The following SBF2 variants were observed in gnomAD, a reference collection of about 807,000 sequenced individuals.
The protein encoded by SBF2 is myotubularin-related protein 13.
SBF2 carries 112 observed loss-of-function variants against 225.2 expected under a neutral mutation model. The observed-to-expected ratio is 0.50, with a 90% CI of 0.43 to 0.58. The LOEUF is 0.58. Ranked by LOEUF, SBF2 falls within the 20% of genes least tolerant of loss-of-function variation. The pLI, the probability that SBF2 is intolerant of heterozygous loss-of-function variation, is 0.00. For missense variants in SBF2, 1,996 were observed against 2,206.2 expected (o/e 0.90, Z 1.91); for synonymous variants, 763 against 773.3 (o/e 0.99, Z 0.22).
At chr11:10,063,856 C>CAGAGAGAG (rs1487944368) in intron 2 of SBF2, among the ~76,000 whole-genome samples, 1 of 125,610 alleles carries the variant, frequency 8.0e-6, no homozygotes, top group African/African-American at 3.0e-5. Flanking sequence ...CACACACACA[C>CAGAGAGAG]ACAGAGAGAG....
At chr11:10,027,294 A>G (rs533730765) in intron 6 of SBF2, among the ~76,000 whole-genome samples, 14 of 152,304 alleles carry the variant, frequency 9.2e-5, no homozygotes, top group African/African-American at 3.4e-4. Context: ...TTTGAAATTG[A>G]TATCACCACT....
intron 17 of SBF2, among the ~76,000 whole-genome samples, chr11:9,881,172 T>C (rs556248223): frequency 1.4e-4 from 22 of 152,294 alleles, no homozygotes; most frequent in African/African-American, 1.4e-4. Context: ...AATAGGATGA[T>C]AGATAAAATA....
chr11:10,112,653 AT>A (rs1264191008), intron 2 of SBF2, among the ~76,000 whole-genome samples: 1 of 152,234 alleles, frequency 6.6e-6, no homozygotes, highest in Admixed American at 6.5e-5. Context: ...GGAAAATAAA[AT>A]TTGTAAGGCT....
intron 28 of SBF2, chr11:9,828,213 T>C: frequency 4.7e-6 from 6 of 1,289,514 alleles, no homozygotes; most frequent in Non-Finnish European, 6.1e-6. Flanking sequence ...GAAGTCCTCC[T>C]TTCAGTCCCT....
At chr11:10,017,224 T>C (rs1431264804) in intron 6 of SBF2, among the ~76,000 whole-genome samples, 1 of 152,236 alleles carries the variant, frequency 6.6e-6, no homozygotes, top group Admixed American at 6.5e-5. Flanking sequence ...TCCAGACTCC[T>C]GCATTCTCTG....
chr11:10,303,068 A>C lies in SBF2; in HGVS notation n.386+1424T>G, dbSNP rs1378174779. 1 of 152,376 alleles carries C rather than the reference A, an allele frequency of 6.6e-6. No individual in the cohort carries two copies. Among genetic ancestry groups the C allele is most frequent in the Non-Finnish European group, 1.5e-5 (1 of 68,108 alleles). The allele number at this position is 152,376 out of a possible 1,614,324, so 9.4% of individuals were successfully genotyped here. A position where few individuals can be genotyped will look rare whatever the true frequency, so the allele number is the denominator to read the frequency against. On this transcript the variant is annotated intron_variant and non_coding_transcript_variant, in intron 1 of 5. Coordinates refer to the SBF2 transcript ENST00000685217. The surrounding 1 kb of genome is among the most constrained non-coding windows in gnomAD (Gnocchi z 5.2). ...GCGAAGAGCTTGACTCGCAGAGGATAAAGTGAAAGGAAAAGGAAATGGGAG... is the reference window on the plus strand; with the variant it reads ...GCGAAGAGCTTGACTCGCAGAGGATCAAGTGAAAGGAAAAGGAAATGGGAG...
At position 10,254,900 on chromosome 11, in the gene SBF2, CAAAAAAAAAAAAAAAAAA is replaced by C. The variant is rs71034757; in HGVS notation, c.55+39097_55+39114del. ...TGGGTGACAGAGTGAGACTCTGTCTCAAAAAAAAAAAAAAAAAAAAAAAAAAAAAAAAAAAAAAATCCT... is the reference window on the plus strand; with the variant it reads ...TGGGTGACAGAGTGAGACTCTGTCTCAAAAAAAAAAAAAAAAAAAAATCCT... On this transcript the variant is annotated intron_variant, in intron 1 of 39. Coordinates refer to ENST00000256190, the MANE Select transcript of SBF2 (RefSeq NM_030962.4). Among the ~76,000 whole-genome samples the C allele has an allele frequency of 1.6e-3, 71 of 44,072 alleles. 2 individuals are homozygous for C. Among genetic ancestry groups the C allele is most frequent in the Non-Finnish European group, 1.9e-3 (51 of 26,490 alleles). 28.9% of individuals were successfully genotyped at this position (44,072 alleles called of 152,430 possible).
chr11:10,064,116 T>C (rs1395766477), intron 2 of SBF2, among the ~76,000 whole-genome samples: 1 of 151,964 alleles, frequency 6.6e-6, no homozygotes, highest in Non-Finnish European at 1.5e-5. Flanking sequence ...ATTGACTATA[T>C]AAATAAAAAT....
intron 16 of SBF2, among the ~76,000 whole-genome samples, chr11:9,931,838 T>C (rs1273976149): frequency 1.8e-4 from 28 of 152,260 alleles, no homozygotes; most frequent in African/African-American, 6.7e-4. Flanking sequence ...TTCTCCAAGC[T>C]AAAGGAGCAT....
chr11:10,005,758 T>C (rs989478630), intron 6 of SBF2, among the ~76,000 whole-genome samples: 4 of 152,140 alleles, frequency 2.6e-5, no homozygotes, highest in African/African-American at 9.7e-5. Context: ...TGGTAAGACA[T>C]CTCTATGCCT....
intron 16 of SBF2, among the ~76,000 whole-genome samples, chr11:9,908,626 C>CA (rs536864299): frequency 1.2e-4 from 17 of 144,066 alleles, no homozygotes; most frequent in East Asian, 6.0e-4. Flanking sequence ...GACTCCGTCT[C>CA]AAAAAAAAAA....
chr11:9,947,213 A>T (rs1255508945), intron 16 of SBF2, among the ~76,000 whole-genome samples: 2 of 152,256 alleles, frequency 1.3e-5, no homozygotes, highest in African/African-American at 4.8e-5. Flanking sequence ...AGTTCAAATA[A>T]GAACAATGGG....
At chr11:9,931,251 T>C (rs1459001525) in intron 16 of SBF2, among the ~76,000 whole-genome samples, 1 of 152,232 alleles carries the variant, frequency 6.6e-6, no homozygotes, top group East Asian at 1.9e-4. Flanking sequence ...AAGAGAGCAG[T>C]GGTTCTTCCA....
chr11:10,201,550 CT>C lies in SBF2; in HGVS notation c.56-7564del, dbSNP rs1473659142. 3.3e-5 allele frequency among the ~76,000 whole-genome samples: 5 copies of C among 152,252 alleles called. No individual in the cohort carries two copies. In the East Asian group the frequency reaches 9.6e-4, roughly 29 times the overall value. Reference sequence around the variant, plus strand: ...TCTGTTTGTTTCAACTGACATAAGCCTTTTTTGTGGTTATTTAAAAATTTAG... The same window carrying C: ...TCTGTTTGTTTCAACTGACATAAGCCTTTTTGTGGTTATTTAAAAATTTAG... On this transcript the variant is annotated intron_variant, in intron 1 of 39. Transcript: ENST00000256190.
intron 2 of SBF2, among the ~76,000 whole-genome samples, chr11:10,089,345 G>A (rs1324707903): frequency 6.6e-6 from 1 of 152,154 alleles, no homozygotes; most frequent in African/African-American, 2.4e-5. Flanking sequence ...TCATTATGCA[G>A]AGCATGACTG....
chr11:9,808,932 C>G lies in SBF2; in HGVS notation c.4226G>C (p.Cys1409Ser), dbSNP rs1285573653. Residue 1409 changes from cysteine (C) to serine (S), a missense_variant, in exon 31 of 40, where the codon TGT (cysteine) becomes TCT (serine). Transcript: ENST00000256190. ...AGTGATGTCCCAGCCTTCCTCCAAA[C>G]AGACCAAAACTGAGGAACCATTCTC... ...VLENGSSVLVCLEEGWDITAQ... is the reference protein window; with the variant it reads ...VLENGSSVLVSLEEGWDITAQ... The G allele has an allele frequency of 6.2e-7, 1 of 1,613,984 alleles. No individual in the cohort carries two copies. The highest frequency in any genetic ancestry group is 1.1e-5 in the South Asian group (1 of 91,076).
chr11:9,792,603 T>TC (rs1168731558), intron 33 of SBF2, among the ~76,000 whole-genome samples: 1 of 152,114 alleles, frequency 6.6e-6, no homozygotes, highest in Non-Finnish European at 1.5e-5. Flanking sequence ...GGAACAGACT[T>TC]CAAGTAGGCA....
intron 2 of SBF2, among the ~76,000 whole-genome samples, chr11:10,160,404 A>T (rs953315986): frequency 3.3e-5 from 5 of 152,172 alleles, no homozygotes; most frequent in African/African-American, 1.2e-4. Flanking sequence ...GAGTGCTTCA[A>T]GTTTTTGCTA....
chr11:9,886,362 T>C (rs1201911509), intron 17 of SBF2, among the ~76,000 whole-genome samples: 2 of 152,198 alleles, frequency 1.3e-5, no homozygotes, highest in African/African-American at 4.8e-5. Context: ...TTTTTCCATG[T>C]TTCTGACCTC....
Sources: gnomAD v4.1 joint callset for allele counts (sites outside exome capture counted in the v4.1 genomes callset) on GRCh38, gnomAD v4.1.1 for gene constraint, Gnocchi (gnomAD v3.1) non-coding constraint, MANE v1.5 for transcripts, NCBI Gene and HGNC (gene_info 2026-07-23, HGNC 2026-07-21) for gene names.